The following CLIP4 variants were observed in gnomAD, a reference collection of about 807,000 sequenced individuals.
CLIP4 encodes the protein CAP-Gly domain-containing linker protein 4.
Under a neutral mutation model 73.1 loss-of-function variants are expected in CLIP4, and 47 were observed. That is an observed-to-expected ratio of 0.64 (90% confidence interval 0.51 to 0.82). The LOEUF is 0.82. CLIP4 is among the 40% of genes least tolerant of loss of function. The probability of loss-of-function intolerance (pLI) is 0.00; values close to 1 mark genes in which losing one functional copy is unlikely to be tolerated. For synonymous variants in CLIP4, 306 were observed against 295.4 expected (o/e 1.04, Z -0.37); for missense variants, 874 against 852.9 (o/e 1.02, Z -0.31).
chr2:29,135,498 A>T (rs760569867), intron 5 of CLIP4, 50 bp from the exon 6 acceptor site: 3 of 1,351,772 alleles, frequency 2.2e-6, no homozygotes, highest in Non-Finnish European at 3.1e-6. Flanking sequence ...TTAAATTATG[A>T]TAGCTAAGTT....
chr2:29,126,369 A>T (rs1664604293), intron 2 of CLIP4, among the ~76,000 whole-genome samples: 1 of 152,076 alleles, frequency 6.6e-6, no homozygotes, highest in African/African-American at 2.4e-5. Flanking sequence ...ATTAATCCTG[A>T]CTCAATCACT....
In CLIP4 at chr2:29,121,418, A is replaced by G. The variant is rs1184110129; in HGVS notation, c.30A>G (p.Pro10=). 1 of 1,613,346 alleles carries G rather than the reference A, an allele frequency of 6.2e-7. No individual in the cohort carries two copies. Among genetic ancestry groups the G allele is most frequent in the East Asian group, 2.2e-5 (1 of 44,840 alleles). ...CCATAGAGGACCTTCCAGATTTTCC[A>G]TTAGAAGGAAATCCTTTGTTTGGAA... MTIEDLPDF[P]LEGNPLFGRY... is the part of the protein sequence containing the mutation. The change falls in exon 2 of 16, where the codon CCA becomes CCG. Residue 10 remains proline, a synonymous_variant. Transcript: ENST00000320081.
chr2:29,107,994 C>CT (rs540853343), intron 1 of CLIP4, among the ~76,000 whole-genome samples: 5,779 of 145,556 alleles, frequency 0.04, 283 homozygotes, highest in African/African-American at 0.12. Context: ...CTTGGAGTTT[C>CT]TTTTTTTTTT....
intron 1 of CLIP4, among the ~76,000 whole-genome samples, chr2:29,120,126 A>G (rs1386024898): frequency 6.6e-6 from 1 of 152,202 alleles, no homozygotes; most frequent in African/African-American, 2.4e-5. Context: ...GGCAAGGTTA[A>G]TGTCAAAATG....
At chr2:29,139,265 C>A (rs1665592976) in intron 6 of CLIP4, among the ~76,000 whole-genome samples, 1 of 151,600 alleles carries the variant, frequency 6.6e-6, no homozygotes, top group Non-Finnish European at 1.5e-5. Context: ...TTGAGATGAT[C>A]CTACAGTTTT....
intron 12 of CLIP4, among the ~76,000 whole-genome samples, chr2:29,163,263 T>TAA (rs202007158): frequency 9.1e-5 from 13 of 142,388 alleles, no homozygotes; most frequent in African/African-American, 2.8e-4. Flanking sequence ...TTCATTTAGG[T>TAA]AAAAAAAAAA....
chr2:29,152,296 A>ACCAAAT (rs1260811504), intron 8 of CLIP4, among the ~76,000 whole-genome samples: 1 of 152,166 alleles, frequency 6.6e-6, no homozygotes, highest in African/African-American at 2.4e-5. Flanking sequence ...ATGATAGAAA[A>ACCAAAT]CCAAATTGAA....
chr2:29,147,974 T>C (rs1447254351), intron 8 of CLIP4, among the ~76,000 whole-genome samples: 1 of 152,106 alleles, frequency 6.6e-6, no homozygotes, highest in Non-Finnish European at 1.5e-5. Flanking sequence ...TAGCAACACA[T>C]AGGGCAGAGG....
At chr2:29,120,605 G>A (rs749652087) in intron 1 of CLIP4, among the ~76,000 whole-genome samples, 6 of 152,076 alleles carry the variant, frequency 3.9e-5, no homozygotes, top group South Asian at 2.1e-4. Flanking sequence ...AGTAAAGATC[G>A]GATACAAAAG....
intron 1 of CLIP4, among the ~76,000 whole-genome samples, chr2:29,107,236 C>T (rs903607711): frequency 8.6e-5 from 13 of 151,980 alleles, no homozygotes; most frequent in Non-Finnish European, 1.8e-4. Context: ...TTGTAAACAA[C>T]TGCCAGAAAG....
intron 6 of CLIP4, among the ~76,000 whole-genome samples, chr2:29,137,243 A>C (rs903183442): frequency 6.6e-6 from 1 of 152,050 alleles, no homozygotes. Flanking sequence ...GTGTGTACCC[A>C]GTGTTCAGCT....
intron 1 of CLIP4, among the ~76,000 whole-genome samples, chr2:29,116,231 C>T (rs1184342709): frequency 6.6e-6 from 1 of 152,194 alleles, no homozygotes; most frequent in Non-Finnish European, 1.5e-5. Flanking sequence ...AGCCCGCATC[C>T]TTAAGGATCC....
intron 8 of CLIP4, among the ~76,000 whole-genome samples, 168 bp downstream of exon 8, chr2:29,145,535 C>T (rs1356023230): frequency 1.3e-5 from 2 of 152,122 alleles, no homozygotes; most frequent in Non-Finnish European, 2.9e-5. Context: ...TATTTATTTA[C>T]ACTGACGAGA....
intron 15 of CLIP4, among the ~76,000 whole-genome samples, chr2:29,178,736 T>C (rs1375127714): frequency 6.6e-6 from 1 of 152,194 alleles, no homozygotes; most frequent in East Asian, 1.9e-4. Context: ...TCTTCCTTAC[T>C]CCCTTCCCAA....
intron 15 of CLIP4, among the ~76,000 whole-genome samples, chr2:29,179,122 T>C (rs1668510182): frequency 6.6e-6 from 1 of 152,190 alleles, no homozygotes; most frequent in African/African-American, 2.4e-5. Flanking sequence ...GCATTAAAGG[T>C]CTTTATTTGC....
At chr2:29,106,127 A>G (rs1488352871) in intron 1 of CLIP4, among the ~76,000 whole-genome samples, 4 of 148,116 alleles carry the variant, frequency 2.7e-5, no homozygotes, top group Non-Finnish European at 4.4e-5. Flanking sequence ...TGGTTCTTCT[A>G]TTTACTATGT....
intron 8 of CLIP4, 23 bp downstream of exon 8, chr2:29,145,390 C>A: frequency 6.5e-7 from 1 of 1,546,310 alleles, no homozygotes; most frequent in Non-Finnish European, 8.8e-7. Context: ...TTATTTAACT[C>A]GGTAAGAATT....
Position 29,174,253 on chromosome 2 carries a change from C to G in CLIP4, c.1724-120C>G, listed in dbSNP as rs545372121. ...AGGTGTGAGCCACCATGCCAGCCTGCTGTTTTGAAAGAAACATTTAATATA... is the reference window on the plus strand; with the variant it reads ...AGGTGTGAGCCACCATGCCAGCCTGGTGTTTTGAAAGAAACATTTAATATA... On this transcript the variant is annotated intron_variant, in intron 14 of 15. Coordinates refer to ENST00000320081, the MANE Select transcript of CLIP4 (RefSeq NM_024692.6). The G allele has an allele frequency of 5.7e-5, 50 of 879,810 alleles. No homozygotes were observed. In the African/African-American group the frequency reaches 8.2e-4, roughly 14 times the overall value. The allele number at this position is 879,810 out of a possible 1,614,324, so 54.5% of individuals were successfully genotyped here. A position where few individuals can be genotyped will look rare whatever the true frequency, so the allele number is the denominator to read the frequency against.
intron 15 of CLIP4, 103 bp downstream of exon 15, chr2:29,174,548 G>C: frequency 6.7e-7 from 1 of 1,491,774 alleles, no homozygotes. Flanking sequence ...TTGCTTGGTA[G>C]AGTTTTAACA....
Sources: allele counts gnomAD v4.1 joint callset (sites outside exome capture counted in the v4.1 genomes callset), GRCh38; gene constraint gnomAD v4.1.1; transcripts MANE v1.5; gene names NCBI Gene and HGNC (gene_info 2026-07-23, HGNC 2026-07-21).